MDFI: variants seen among roughly 807,000 people sequenced by gnomAD.
The protein encoded by MDFI is inhibitor of MyoD family a.
Under a neutral mutation model 22.3 loss-of-function variants are expected in MDFI, and 16 were observed. The ratio of observed to expected loss-of-function variants is 0.72; its 90% CI spans 0.49 to 1.09. The LOEUF (loss-of-function observed/expected upper bound fraction) is 1.09. MDFI is among the 50% of genes least tolerant of loss of function. The pLI is 0.00. For synonymous variants in MDFI, 145 were observed against 142.7 expected (o/e 1.02, Z -0.12); for missense variants, 314 against 326.1 (o/e 0.96, Z 0.29).
intron 4 of MDFI, among the ~76,000 whole-genome samples, chr6:41,652,069 G>C (rs1168752874): frequency 6.6e-6 from 1 of 152,216 alleles, no homozygotes; most frequent in African/African-American, 2.4e-5. Flanking sequence ...TGTCCTCTGA[G>C]GGAAGAAGAA....
At chr6:41,642,874 G>A (rs1260120456) in intron 2 of MDFI, among the ~76,000 whole-genome samples, 1 of 152,194 alleles carries the variant, frequency 6.6e-6, no homozygotes, top group African/African-American at 2.4e-5. Context: ...GTAGGTGACT[G>A]TCAGGAGAGG....
Position 41,653,049 on chromosome 6 carries a change from A to G in MDFI, c.485-270A>G, listed in dbSNP as rs1768336279. Among the ~76,000 whole-genome samples the G allele has an allele frequency of 6.6e-6, 1 of 152,084 alleles. No individual in the cohort carries two copies. The highest frequency in any genetic ancestry group is 2.4e-5 in the African/African-American group (1 of 41,416). On this transcript the variant is annotated intron_variant, in intron 4 of 4. Transcript: ENST00000230321. The surrounding 1 kb of genome is among the most constrained non-coding windows in gnomAD (Gnocchi z 4.2). ...CAGAACAGTGCCAAGAACATGTATC[A>G]CTCCATATGTTGGTTAAACAAATAA...
chr6:41,643,386 T>C (rs1271481654), intron 2 of MDFI, among the ~76,000 whole-genome samples: 1 of 151,992 alleles, frequency 6.6e-6, no homozygotes, highest in Non-Finnish European at 1.5e-5. Flanking sequence ...TCTGGGTATG[T>C]AAGAGCCACC....
At chr6:41,643,548 G>GGAAGGAAGGAAGGAAGGAA (rs1767929437) in intron 2 of MDFI, among the ~76,000 whole-genome samples, 2 of 75,396 alleles carry the variant, frequency 2.7e-5, no homozygotes, top group East Asian at 3.5e-4. Context: ...GAGGGAAGGA[G>GGAAGGAAGGAAGGAAGGAA]GGAAGGAAGG....
At position 41,653,567 on chromosome 6, in the gene MDFI, T is replaced by C; in HGVS notation, c.733T>C (p.Ser245Pro). ...CATGGAGTGCTGTGGGCTCTGCTTC[T>C]CCTCCTGAGCCTCTGTCGGGGGCTA... is the stretch of plus-strand genomic sequence containing the variant. ...ICMECCGLCF[S>P]S Residue 245 changes from serine to proline, a missense_variant, in exon 5 of 5, where the codon TCC (serine) becomes CCC (proline). Ser to Pro is a moderately conservative substitution (Grantham distance 74). Transcript: ENST00000230321. The surrounding 1 kb of genome is among the most constrained non-coding windows in gnomAD (Gnocchi z 4.2). 6.2e-7 allele frequency: 1 copy of C among 1,600,158 alleles called. No homozygotes were observed. Among genetic ancestry groups the C allele is most frequent in the Non-Finnish European group, 8.5e-7 (1 of 1,179,804 alleles).
rs142498910 is a variant in MDFI, at chr6:41,649,652, C to G, written c.293C>G (p.Pro98Arg). The G allele has an allele frequency of 6.4e-5, 103 of 1,611,772 alleles. No individual in the cohort carries two copies. In the African/African-American group the frequency reaches 1.2e-3, roughly 19 times the overall value. ...QPQGNPLGCT[P>R]LLPNDSGHPS... The stretch of plus-strand genomic sequence containing the variant: ...CAGGGGAACCCCTTGGGCTGCACCC[C>G]ACTTCTGCCGAATGACTCTGGCCAC... Residue 98 changes from proline to arginine, a missense_variant, in exon 4 of 5, where the codon CCA becomes CGA. By Grantham distance (103) the Pro-to-Arg change is moderately radical. Coordinates refer to ENST00000230321, the MANE Select transcript of MDFI (RefSeq NM_005586.4).
At position 41,638,863 on chromosome 6, in the gene MDFI, G is replaced by A. The variant is rs1428486467; in HGVS notation, c.76+38G>A. On this transcript the variant is annotated intron_variant, in intron 2 of 4. Coordinates refer to ENST00000230321, the MANE Select transcript of MDFI (RefSeq NM_005586.4). This position sits in a 1 kb window ranked among gnomAD's most constrained non-coding sequence, Gnocchi z 7.6. ...GTGGCGAGCGAAGCTGGACAGGGGC[G>A]GGTGGGCGGCTGAAGGGGCCAGTTA... is the stretch of plus-strand genomic sequence containing the variant. 1 of 1,522,820 alleles carries A rather than the reference G, an allele frequency of 6.6e-7. No homozygotes were observed. 94.3% of individuals were successfully genotyped at this position (1,522,820 alleles called of 1,614,324 possible). A position where few individuals can be genotyped will look rare whatever the true frequency, so the allele number is the denominator to read the frequency against.
chr6:41,643,716 T>G, intron 2 of MDFI, among the ~76,000 whole-genome samples: 2 of 143,860 alleles, frequency 1.4e-5, no homozygotes, highest in Non-Finnish European at 1.5e-5. Flanking sequence ...GAGGGAAGAG[T>G]AGTAGGGCTG....
intron 2 of MDFI, among the ~76,000 whole-genome samples, chr6:41,643,562 G>GAAGGAAGGAAGGAAGGAAGC (rs1767932831): frequency 3.1e-5 from 3 of 96,672 alleles, no homozygotes; most frequent in Non-Finnish European, 6.6e-5. Flanking sequence ...AGGAAGGAAG[G>GAAGGAAGGAAGGAAGGAAGC]AAGGAAGGAA....
At chr6:41,643,572 AGG>A (rs1767935573) in intron 2 of MDFI, among the ~76,000 whole-genome samples, 2 of 89,814 alleles carry the variant, frequency 2.2e-5, no homozygotes, top group Admixed American at 1.2e-4. Context: ...GAAGGAAGGA[AGG>A]AAGGAGGGAG....
rs148633671 is a variant in MDFI at position 41,645,361 on chromosome 6, C to T, written c.77-765C>T. Among the ~76,000 whole-genome samples, 279 of 152,144 alleles carry T rather than the reference C, an allele frequency of 1.8e-3. 1 individual carries two copies. Among genetic ancestry groups the T allele is most frequent in the Admixed American group, 3.4e-3 (52 of 15,284 alleles). ...TTTGAAGGTGGCTCCATTTCTGCCT[C>T]CTGCCGCCCCTGCACAGAGCCACTG... On this transcript the variant is annotated intron_variant, in intron 2 of 4. Transcript: ENST00000230321.
chr6:41,653,479 C>G lies in MDFI; in HGVS notation c.645C>G (p.Pro215=), dbSNP rs1401830468. The G allele has an allele frequency of 3.1e-6, 5 of 1,603,666 alleles. No individual in the cohort carries two copies. Residue 215 remains proline, a synonymous_variant, in exon 5 of 5, where the codon CCC becomes CCG. Transcript: ENST00000230321. This position sits in a 1 kb window ranked among gnomAD's most constrained non-coding sequence, Gnocchi z 4.2. ...GSGECADCDL[P]CDLDCGILDA... ...GCGAGTGTGCCGACTGCGACCTGCC[C>G]TGCGACCTGGACTGCGGCATCCTGG...
chr6:41,640,274 T>C (rs1767802989), intron 2 of MDFI, among the ~76,000 whole-genome samples: 1 of 152,020 alleles, frequency 6.6e-6, no homozygotes, highest in South Asian at 2.1e-4. Flanking sequence ...GCTTTCTCCC[T>C]CCCCTTATCC....
intron 2 of MDFI, among the ~76,000 whole-genome samples, chr6:41,645,475 A>T (rs1177624516): frequency 6.6e-6 from 1 of 150,538 alleles, no homozygotes; most frequent in Non-Finnish European, 1.5e-5. Flanking sequence ...CCTGCTCCTC[A>T]CCCCCAGGTT....
Position 41,638,889 on chromosome 6 carries a change from T to C in MDFI, c.76+64T>C, listed in dbSNP as rs1011782762. 71 of 1,465,096 alleles carry C rather than the reference T, an allele frequency of 4.8e-5. No homozygotes were observed. The Middle Eastern group carries it at 7.8e-4, about 16-fold the overall frequency. The allele number at this position is 1,465,096 out of a possible 1,614,324, so 90.8% of individuals were successfully genotyped here. A position where few individuals can be genotyped will look rare whatever the true frequency, so the allele number is the denominator to read the frequency against. ...GGTGGGCGGCTGAAGGGGCCAGTTA[T>C]TAGTTCTCCTCTCCGTCCCCAGACG... On this transcript the variant is annotated intron_variant, in intron 2 of 4. Coordinates refer to ENST00000230321, the MANE Select transcript of MDFI (RefSeq NM_005586.4). This position sits in a 1 kb window ranked among gnomAD's most constrained non-coding sequence, Gnocchi z 7.6.
At chr6:41,644,036 C>A (rs1310493713) in intron 2 of MDFI, among the ~76,000 whole-genome samples, 1 of 152,080 alleles carries the variant, frequency 6.6e-6, no homozygotes, top group Non-Finnish European at 1.5e-5. Flanking sequence ...GAAATTAGGA[C>A]CCTGAGCCTC....
At chr6:41,641,889 T>C (rs1054861847) in intron 2 of MDFI, among the ~76,000 whole-genome samples, 1 of 152,078 alleles carries the variant, frequency 6.6e-6, no homozygotes, top group Admixed American at 6.5e-5. Flanking sequence ...ACTTGGTGGA[T>C]GGCAAGCAGA....
At chr6:41,638,379 AGGAGGGGGCGG>A, upstream of MDFI, 1 of 118,848 alleles carries the variant, frequency 8.4e-6, no homozygotes, top group Non-Finnish European at 1.4e-5. This position sits in a 1 kb window ranked among gnomAD's most constrained non-coding sequence, Gnocchi z 7.6. Context: ...TGAGAAGGCG[AGGAGGGGGCGG>A]GGAGAGGGTG....
chr6:41,642,632 T>C (rs77638398), intron 2 of MDFI, among the ~76,000 whole-genome samples: 3,241 of 152,268 alleles, frequency 0.021, 105 homozygotes, highest in African/African-American at 0.07. Context: ...AGCTCCCTCT[T>C]CTGCCCTCCG....
Sources: allele counts gnomAD v4.1 joint callset (sites outside exome capture counted in the v4.1 genomes callset), GRCh38; gene constraint gnomAD v4.1.1; non-coding constraint Gnocchi (gnomAD v3.1); transcripts MANE v1.5; gene names NCBI Gene and HGNC (gene_info 2026-07-23, HGNC 2026-07-21).